NPIPB8: variants seen among roughly 807,000 people sequenced by gnomAD.
NPIPB8 encodes the protein nuclear pore complex interacting protein family member B8.
Under a neutral mutation model 5.3 loss-of-function variants are expected in NPIPB8, and 3 were observed. That is an observed-to-expected ratio of 0.57 (90% CI 0.26 to 1.47). The LOEUF is 1.47. NPIPB8 is among the 40% of genes most tolerant of loss of function. The probability of loss-of-function intolerance (pLI) is 0.13; values close to 1 mark genes in which losing one functional copy is unlikely to be tolerated. For missense variants in NPIPB8, 50 were observed against 50.2 expected (o/e 1.00, Z 0.01); for synonymous variants, 18 against 23.0 (o/e 0.78, Z 0.62).
At chr16:28,642,326 G>A (rs923876657) in intron 2 of NPIPB8, among the ~76,000 whole-genome samples, 6 of 151,868 alleles carry the variant, frequency 4.0e-5, no homozygotes, top group South Asian at 2.1e-4. Flanking sequence ...GGCTGGTCTC[G>A]AACTCCTAAC....
intron 2 of NPIPB8, among the ~76,000 whole-genome samples, chr16:28,640,786 T>C (rs1267456110): frequency 1.3e-5 from 2 of 152,138 alleles, no homozygotes; most frequent in Non-Finnish European, 2.9e-5. Context: ...TGGTCGAATG[T>C]AATCAGCAGT....
chr16:28,653,286 A>G (rs2048075915), intron 5 of NPIPB8, among the ~76,000 whole-genome samples: 1 of 62,616 alleles, frequency 1.6e-5, no homozygotes, highest in Non-Finnish European at 3.0e-5. Flanking sequence ...GTAGTTCTAG[A>G]CCATATTGGC....
At chr16:28,639,501 G>T in intron 2 of NPIPB8, among the ~76,000 whole-genome samples, 1 of 125,092 alleles carries the variant, frequency 8.0e-6, no homozygotes, top group Non-Finnish European at 1.6e-5. Flanking sequence ...CTGTCCCCCA[G>T]GCTGGAGTGC....
chr16:28,641,759 A>G (rs3987701), intron 2 of NPIPB8, among the ~76,000 whole-genome samples: 2 of 130,406 alleles, frequency 1.5e-5, no homozygotes, highest in African/African-American at 2.9e-5. Flanking sequence ...CTCCCATTGT[A>G]TGGAAGGAAA....
chr16:28,639,895 A>C (rs2047863435), intron 2 of NPIPB8, among the ~76,000 whole-genome samples: 1 of 150,500 alleles, frequency 6.6e-6, no homozygotes, highest in Non-Finnish European at 1.5e-5. Context: ...GTAACACTTT[A>C]CTGCATTGTC....
At chr16:28,642,343 A>AT in intron 2 of NPIPB8, among the ~76,000 whole-genome samples, 1 of 152,170 alleles carries the variant, frequency 6.6e-6, no homozygotes, top group East Asian at 1.9e-4. Flanking sequence ...TAACCTTGTG[A>AT]TCCACCTACC....
intron 2 of NPIPB8, chr16:28,644,545 C>T: frequency 6.8e-7 from 1 of 1,473,886 alleles, no homozygotes; most frequent in Non-Finnish European, 9.0e-7. Context: ...AAGCCACCTC[C>T]ACCTCTGTCC....
intron 2 of NPIPB8, among the ~76,000 whole-genome samples, chr16:28,641,299 G>A (rs1267798800): frequency 1.3e-5 from 2 of 150,898 alleles, no homozygotes; most frequent in African/African-American, 4.9e-5. Flanking sequence ...GGTAGTGGGG[G>A]TAGTGGTCAG....
rs183966887 is a variant in NPIPB8, at chr16:28,638,300, T to G, written c.-38-23T>G. 5 of 1,547,868 alleles carry G rather than the reference T, an allele frequency of 3.2e-6. 1 individual carries two copies. The Admixed American group carries it at 5.8e-5, about 18-fold the overall frequency. ...TTGTTTTTCCACTCATTCAACAAAC[T>G]TTTTTTCTTAATTGTCTAATAGGTT... On this transcript the variant is annotated intron_variant, in intron 1 of 7. Transcript: ENST00000683297.
upstream of NPIPB8, chr16:28,637,930 G>T: frequency 1.8e-6 from 1 of 568,098 alleles, no homozygotes; most frequent in Non-Finnish European, 2.4e-6. Context: ...ATAAAAATGA[G>T]AAATCACTAA....
rs1241105550 is a variant in NPIPB8, at chr16:28,638,338, G to A, written c.-23G>A. On this transcript the variant is annotated 5_prime_UTR_variant, in exon 2 of 8. The change abolishes an upstream ATG in the 5' untranslated region. Transcript: ENST00000683297. ...TGTCTAATAGGTTGGCACTCATCAT[G>A]AGCCCCTGTTCTCATTCTGCAAATG... The A allele has an allele frequency of 6.4e-7, 1 of 1,563,094 alleles. No individual in the cohort carries two copies. Among genetic ancestry groups the A allele is most frequent in the Admixed American group, 1.9e-5 (1 of 53,974 alleles).
chr16:28,644,743 C>T (rs2047969482), intron 2 of NPIPB8: 3 of 781,280 alleles, frequency 3.8e-6, no homozygotes, highest in African/African-American at 3.2e-5. Flanking sequence ...GCCTGTAATC[C>T]CAGCACTTTA....
intron 2 of NPIPB8, among the ~76,000 whole-genome samples, chr16:28,642,689 G>C (rs1045699126): frequency 4.6e-5 from 7 of 150,634 alleles, no homozygotes; most frequent in Admixed American, 1.3e-4. Context: ...TCACCATATT[G>C]GCCAGGCTGG....
intron 2 of NPIPB8, among the ~76,000 whole-genome samples, chr16:28,639,735 G>A (rs1035302132): frequency 6.7e-6 from 1 of 149,268 alleles, no homozygotes; most frequent in Non-Finnish European, 1.5e-5. Flanking sequence ...CTATAGGTGT[G>A]AGCCGCTACA....
rs1418299568 is a variant in NPIPB8 at position 28,638,347 on chromosome 16, T to C, written c.-14T>C. The C allele has an allele frequency of 1.9e-6, 3 of 1,566,022 alleles. 1 individual carries two copies. Among genetic ancestry groups the C allele is most frequent in the African/African-American group, 2.7e-5 (2 of 72,928 alleles). ...GGTTGGCACTCATCATGAGCCCCTG[T>C]TCTCATTCTGCAAATGGTGAAGCTC... On this transcript the variant is annotated 5_prime_UTR_variant, in exon 2 of 8. Transcript: ENST00000683297.
chr16:28,641,265 G>A (rs1410624436), intron 2 of NPIPB8, among the ~76,000 whole-genome samples: 2 of 150,946 alleles, frequency 1.3e-5, no homozygotes, highest in Non-Finnish European at 3.0e-5. Flanking sequence ...CAAGGGACAG[G>A]GCATCATCTG....
chr16:28,642,331 C>T (rs2047914256), intron 2 of NPIPB8, among the ~76,000 whole-genome samples: 2 of 152,020 alleles, frequency 1.3e-5, no homozygotes, highest in South Asian at 4.1e-4. Context: ...GTCTCGAACT[C>T]CTAACCTTGT....
chr16:28,642,699 G>T (rs906535257), intron 2 of NPIPB8, among the ~76,000 whole-genome samples: 3 of 150,584 alleles, frequency 2.0e-5, no homozygotes, highest in African/African-American at 7.4e-5. Context: ...GGCCAGGCTG[G>T]TCTGGAACTC....
At chr16:28,640,197 G>A (rs1183469685) in intron 2 of NPIPB8, among the ~76,000 whole-genome samples, 3 of 151,976 alleles carry the variant, frequency 2.0e-5, no homozygotes, top group African/African-American at 7.3e-5. Context: ...CACAGAGTGT[G>A]GGGTAGATGG....
Sources: allele counts gnomAD v4.1 joint callset (sites outside exome capture counted in the v4.1 genomes callset), GRCh38; gene constraint gnomAD v4.1.1; transcripts MANE v1.5; gene names NCBI Gene and HGNC (gene_info 2026-07-23, HGNC 2026-07-21).